The following RBFOX1 variants were observed in gnomAD, a reference collection of about 807,000 sequenced individuals.
The protein encoded by RBFOX1 is RNA binding fox-1 homolog 1.
Under a neutral mutation model 57.7 loss-of-function variants are expected in RBFOX1, and 8 were observed. The ratio of observed to expected loss-of-function variants is 0.14; its 90% confidence interval spans 0.08 to 0.25. The LOEUF (loss-of-function observed/expected upper bound fraction) is 0.25, where lower values mean the gene tolerates loss of function less well. RBFOX1 is among the 10% of genes least tolerant of loss of function. The probability of loss-of-function intolerance (pLI) is 1.00; values close to 1 mark genes in which losing one functional copy is unlikely to be tolerated. For missense variants in RBFOX1, 611 were observed against 548.5 expected (o/e 1.11, Z -1.14); for synonymous variants, 326 against 222.4 (o/e 1.47, Z -4.15).
intron 3 of RBFOX1, among the ~76,000 whole-genome samples, chr16:5,668,502 T>G (rs1199130080): frequency 6.6e-6 from 1 of 152,164 alleles, no homozygotes; most frequent in Non-Finnish European, 1.5e-5. Context: ...TGCTGGAAAG[T>G]ACTTAATAGA....
intron 2 of RBFOX1, among the ~76,000 whole-genome samples, chr16:6,463,528 G>A (rs185227062): frequency 1.3e-5 from 2 of 152,182 alleles, no homozygotes; most frequent in East Asian, 3.9e-4. Flanking sequence ...GGGGGGTCGG[G>A]GCGGAGTGTA....
intron 3 of RBFOX1, among the ~76,000 whole-genome samples, chr16:6,746,235 C>A (rs2073600167): frequency 1.3e-5 from 2 of 151,930 alleles, no homozygotes; most frequent in Non-Finnish European, 2.9e-5. Context: ...CCCCAGCAGG[C>A]CTTTTTTTCA....
intron 4 of RBFOX1, among the ~76,000 whole-genome samples, chr16:7,076,781 C>T (rs1019536851): frequency 1.3e-5 from 2 of 152,118 alleles, no homozygotes; most frequent in African/African-American, 4.8e-5. Context: ...ACTTCCATTC[C>T]AATGTCATGG....
chr16:6,367,254 GTTTGT>G (rs138296322), intron 2 of RBFOX1, among the ~76,000 whole-genome samples: 4,648 of 150,090 alleles, frequency 0.031, 241 homozygotes, highest in African/African-American at 0.11. Context: ...TTCTTTGTTT[GTTTGT>G]TTTGTTTTGT....
intron 3 of RBFOX1, among the ~76,000 whole-genome samples, chr16:7,023,804 C>G (rs190603772): frequency 1.2e-3 from 188 of 152,186 alleles, no homozygotes; most frequent in Non-Finnish European, 9.1e-4. Flanking sequence ...TCTGAACACT[C>G]TGGAGTAGGC....
intron 4 of RBFOX1, among the ~76,000 whole-genome samples, chr16:7,339,089 G>T (rs2096845564): frequency 6.6e-6 from 1 of 152,186 alleles, no homozygotes; most frequent in East Asian, 1.9e-4. Context: ...GAGTCAAACA[G>T]GTCCAGGTTG....
chr16:7,520,841 C>G (rs567146113), intron 5 of RBFOX1, among the ~76,000 whole-genome samples: 1 of 152,270 alleles, frequency 6.6e-6, no homozygotes, highest in South Asian at 2.1e-4. Context: ...TCCAATCAGA[C>G]ATTATTTATT....
rs58770810 is a variant in RBFOX1 at position 5,545,299 on chromosome 16, T to TTAAG, written c.259-53603_259-53602insTAAG. 9.1e-3 allele frequency among the ~76,000 whole-genome samples: 1,385 copies of TTAAG among 151,650 alleles called. 27 individuals carry two copies. The highest frequency in any genetic ancestry group is 0.032 in the African/African-American group (1,326 of 41,334). On this transcript the variant is annotated intron_variant, in intron 2 of 2. Coordinates refer to the RBFOX1 transcript ENST00000585867. ...CTTAGTGTTAAATTCTAACAAATATTAAAGAAATAATATCAGTTCTATACA... is the reference window on the plus strand; with the variant it reads ...CTTAGTGTTAAATTCTAACAAATATTTAAGAAAGAAATAATATCAGTTCTATACA...
intron 4 of RBFOX1, among the ~76,000 whole-genome samples, chr16:5,877,505 C>T (rs2057644493): frequency 6.6e-6 from 1 of 152,222 alleles, no homozygotes; most frequent in Middle Eastern, 3.2e-3. Flanking sequence ...CCCATTTACC[C>T]ACATACACTT....
At chr16:6,327,947 C>G (rs2082568088) in intron 2 of RBFOX1, among the ~76,000 whole-genome samples, 1 of 152,140 alleles carries the variant, frequency 6.6e-6, no homozygotes, top group African/African-American at 2.4e-5. Flanking sequence ...ATGGGGCGTA[C>G]ACTCAGAAGA....
chr16:7,519,142 G>C (rs143476163), intron 5 of RBFOX1, among the ~76,000 whole-genome samples: 1 of 152,110 alleles, frequency 6.6e-6, no homozygotes, highest in Admixed American at 6.5e-5. Flanking sequence ...GATGATTGCC[G>C]GATGCATCTA....
chr16:5,259,567 C>T (rs1596325135), intron 1 of RBFOX1, among the ~76,000 whole-genome samples: 1 of 152,144 alleles, frequency 6.6e-6, no homozygotes, highest in Admixed American at 6.5e-5. Context: ...TCAGTGGGTG[C>T]TCAGTGGAAC....
At chr16:6,620,437 C>A (rs968281863) in intron 2 of RBFOX1, among the ~76,000 whole-genome samples, 2 of 152,070 alleles carry the variant, frequency 1.3e-5, no homozygotes, top group Non-Finnish European at 2.9e-5. Context: ...ATTAAAAGAA[C>A]TGGAGAAACA....
intron 9 of RBFOX1, among the ~76,000 whole-genome samples, chr16:7,601,086 G>C (rs1263546086): frequency 6.6e-6 from 1 of 152,192 alleles, no homozygotes; most frequent in Non-Finnish European, 1.5e-5. Flanking sequence ...TGCTGGGGAA[G>C]CATGGGTGCT....
intron 3 of RBFOX1, among the ~76,000 whole-genome samples, chr16:6,854,461 C>G (rs1163072568): frequency 1.3e-5 from 2 of 152,026 alleles, no homozygotes; most frequent in Non-Finnish European, 2.9e-5. Flanking sequence ...GCATGTTACA[C>G]CTTGAGGGCT....
intron 4 of RBFOX1, among the ~76,000 whole-genome samples, chr16:7,091,118 C>A (rs2060775838): frequency 8.4e-6 from 1 of 118,902 alleles, no homozygotes; most frequent in Admixed American, 9.0e-5. Flanking sequence ...ACTTTATAAC[C>A]TTTTCGTTTC....
intron 2 of RBFOX1, among the ~76,000 whole-genome samples, chr16:6,581,204 A>T (rs1456303018): frequency 6.6e-5 from 10 of 152,124 alleles, no homozygotes; most frequent in Non-Finnish European, 2.9e-5. Flanking sequence ...TTCAAGTAGG[A>T]TTTCTAAAGA....
At position 7,055,018 on chromosome 16, in the gene RBFOX1, A is replaced by C. The variant is rs1290090620; in HGVS notation, c.27+2920A>C. On this transcript the variant is annotated intron_variant, in intron 4 of 15. Transcript: ENST00000550418. ...AGGATCTCCTTTCTTTTTCTCACGA[A>C]GCCTAAATTAATTTTTCCAAAACAG... is the stretch of plus-strand genomic sequence containing the variant. Among the ~76,000 whole-genome samples, 7 of 152,318 alleles carry C rather than the reference A, an allele frequency of 4.6e-5. No homozygotes were observed. The East Asian group carries it at 1.4e-3, about 29-fold the overall frequency.
Position 7,509,428 on chromosome 16 carries a change from GTGTC to G in RBFOX1, c.28-8715_28-8712del, listed in dbSNP as rs1490687231. Among the ~76,000 whole-genome samples the G allele has an allele frequency of 5.6e-3, 795 of 143,086 alleles. 1 individual carries two copies. The highest frequency in any genetic ancestry group is 0.014 in the Middle Eastern group (4 of 284). 93.9% of individuals were successfully genotyped at this position (143,086 alleles called of 152,430 possible). A position where few individuals can be genotyped will look rare whatever the true frequency, so the allele number is the denominator to read the frequency against. On this transcript the variant is annotated intron_variant, in intron 4 of 15. Transcript: ENST00000550418. ...TGTGTGTGTGTGTGTGTGTGTGTGT[GTGTC>G]TGTGTCTGTGTCTGTGTGTGGTTTT...
Sources: allele counts gnomAD v4.1 joint callset (sites outside exome capture counted in the v4.1 genomes callset), GRCh38; gene constraint gnomAD v4.1.1; transcripts MANE v1.5; gene names NCBI Gene and HGNC (gene_info 2026-07-23, HGNC 2026-07-21).